The following SLC37A3 variants were observed in gnomAD, a reference collection of about 807,000 sequenced individuals.
The protein encoded by SLC37A3 is sugar phosphate exchanger 3.
SLC37A3 carries 51 observed loss-of-function variants against 67.1 expected under a neutral mutation model. That is an observed-to-expected ratio of 0.76 (90% CI 0.61 to 0.96). The LOEUF (loss-of-function observed/expected upper bound fraction) is 0.96. Ranked by LOEUF, SLC37A3 falls within the 40% of genes least tolerant of loss-of-function variation. The probability of loss-of-function intolerance (pLI) is 0.00; values close to 1 mark genes in which losing one functional copy is unlikely to be tolerated. For missense variants in SLC37A3, 508 were observed against 603.0 expected, an observed-to-expected ratio of 0.84 and a Z score of 1.65; for synonymous variants, 214 against 231.4, an observed-to-expected ratio of 0.92 and a Z score of 0.68.
At chr7:140,397,726 C>A (rs1798994674) in intron 1 of SLC37A3, among the ~76,000 whole-genome samples, 1 of 152,054 alleles carries the variant, frequency 6.6e-6, no homozygotes, top group Non-Finnish European at 1.5e-5. Context: ...ATTTTGCTCA[C>A]CCCAGGAACC....
At chr7:140,378,293 G>C (rs1798110521) in intron 3 of SLC37A3, among the ~76,000 whole-genome samples, 1 of 152,150 alleles carries the variant, frequency 6.6e-6, no homozygotes, top group Admixed American at 6.5e-5. Flanking sequence ...GAATAAAAAT[G>C]TAAGCATCCA....
At chr7:140,335,980 T>TG (rs1448237564) in intron 14 of SLC37A3, among the ~76,000 whole-genome samples, 1 of 152,204 alleles carries the variant, frequency 6.6e-6, no homozygotes, top group Non-Finnish European at 1.5e-5. Context: ...TGGACTATCC[T>TG]GGGGCTCCTT....
Position 140,363,740 on chromosome 7 carries a change from CAAAAAAAAA to C in SLC37A3, c.375+659_375+667del, listed in dbSNP as rs71170980. On this transcript the variant is annotated intron_variant, in intron 5 of 14. Transcript: ENST00000326232. ...AAAAAAAAAGAGCAAAACTCCGCCTCAAAAAAAAAAAAAAAAAAAAAAAAAGAAAGGAGC... is the reference window on the plus strand; with the variant it reads ...AAAAAAAAAGAGCAAAACTCCGCCTCAAAAAAAAAAAAAAAAGAAAGGAGC... 1.4e-4 allele frequency among the ~76,000 whole-genome samples: 15 copies of C among 107,860 alleles called. No individual in the cohort carries two copies. In the South Asian group the frequency reaches 2.0e-3, roughly 15 times the overall value. The allele number at this position is 107,860 out of a possible 152,430, so 70.8% of individuals were successfully genotyped here.
At chr7:140,338,679 C>G (rs1049930411) in intron 13 of SLC37A3, among the ~76,000 whole-genome samples, 9 of 152,002 alleles carry the variant, frequency 5.9e-5, no homozygotes, top group African/African-American at 2.2e-4. Flanking sequence ...ACCACATTGC[C>G]CAGGCTGGTC....
intron 1 of SLC37A3, among the ~76,000 whole-genome samples, chr7:140,394,462 A>G (rs962917776): frequency 4.6e-5 from 7 of 151,774 alleles, no homozygotes; most frequent in African/African-American, 1.7e-4. Flanking sequence ...TCTCTACAAA[A>G]AATACAAAAA....
chr7:140,352,010 T>G, intron 8 of SLC37A3, 52 bp downstream of exon 8: 1 of 1,531,900 alleles, frequency 6.5e-7, no homozygotes, highest in Non-Finnish European at 8.9e-7. Flanking sequence ...TCAGATTTCC[T>G]TTCGGCCATA....
At chr7:140,341,236 T>A (rs1158022353) in intron 13 of SLC37A3, among the ~76,000 whole-genome samples, 1 of 152,166 alleles carries the variant, frequency 6.6e-6, no homozygotes, top group African/African-American at 2.4e-5. Context: ...CCTAGCCTCA[T>A]GTACAAGTTT....
intron 5 of SLC37A3, among the ~76,000 whole-genome samples, chr7:140,359,460 C>A (rs1439370178): frequency 6.6e-6 from 1 of 152,190 alleles, no homozygotes; most frequent in Admixed American, 6.5e-5. Context: ...ACAGAACGAG[C>A]CCAGGGAGGC....
intron 5 of SLC37A3, 66 bp downstream of exon 5, chr7:140,364,342 G>T: frequency 1.4e-6 from 2 of 1,393,184 alleles, no homozygotes; most frequent in Non-Finnish European, 1.0e-6. Flanking sequence ...CTACAGAGAA[G>T]TAGGGAGATT....
At position 140,348,710 on chromosome 7, in the gene SLC37A3, G is replaced by C. The variant is rs201703081; in HGVS notation, c.940C>G (p.Pro314Ala). The C allele has an allele frequency of 1.2e-5, 20 of 1,613,980 alleles. No individual in the cohort carries two copies. Among genetic ancestry groups the C allele is most frequent in the South Asian group, 9.9e-5 (9 of 91,092 alleles). The part of the protein sequence containing the change: ...LVNYSFFFWL[P>A]FYLSNNFGWK... ...CCGAAGTTGTTACTCAGATAAAAGG[G>C]GAGCCAGAAGAAGAAGGAGTAATTC... Residue 314 changes from proline (P) to alanine (A), a missense_variant, in exon 10 of 15, where the codon CCC becomes GCC. Pro to Ala is a conservative substitution (Grantham distance 27). Transcript: ENST00000326232.
At chr7:140,381,282 G>A (rs1199713246) in intron 2 of SLC37A3, among the ~76,000 whole-genome samples, 1 of 151,256 alleles carries the variant, frequency 6.6e-6, no homozygotes, top group East Asian at 2.0e-4. Flanking sequence ...GGGAGGCTGA[G>A]GTGGGAGGAT....
intron 3 of SLC37A3, among the ~76,000 whole-genome samples, chr7:140,372,142 G>A (rs1400677515): frequency 1.3e-5 from 2 of 152,274 alleles, no homozygotes; most frequent in African/African-American, 2.4e-5. Flanking sequence ...GAGCCACTGC[G>A]CCCAGCCTAG....
chr7:140,387,672 T>A (rs1237699438), intron 1 of SLC37A3, among the ~76,000 whole-genome samples: 1 of 107,732 alleles, frequency 9.3e-6, no homozygotes, highest in Non-Finnish European at 1.8e-5. Context: ...ATAAATATAT[T>A]ATATATAAAT....
At chr7:140,396,894 G>GTTT (rs55939918) in intron 1 of SLC37A3, among the ~76,000 whole-genome samples, 5 of 104,290 alleles carry the variant, frequency 4.8e-5, no homozygotes, top group African/African-American at 1.6e-4. Flanking sequence ...TTTTTTTTTT[G>GTTT]TTTTTTTTTT....
chr7:140,370,149 GT>G (rs34474661), intron 3 of SLC37A3, among the ~76,000 whole-genome samples: 83 of 149,200 alleles, frequency 5.6e-4, no homozygotes, highest in African/African-American at 1.4e-3. Context: ...GAAATAACTA[GT>G]TTTTTTTTTT....
chr7:140,360,399 AC>A (rs1797217909), intron 5 of SLC37A3, among the ~76,000 whole-genome samples: 1 of 152,166 alleles, frequency 6.6e-6, no homozygotes, highest in Admixed American at 6.6e-5. Flanking sequence ...CATTTAATCA[AC>A]AAAAATTCCT....
intron 4 of SLC37A3, among the ~76,000 whole-genome samples, chr7:140,367,830 T>C (rs916539879): frequency 6.6e-5 from 10 of 151,618 alleles, no homozygotes; most frequent in South Asian, 4.2e-4. Context: ...CTTTTTTTTT[T>C]TTTTTTTGAG....
intron 2 of SLC37A3, among the ~76,000 whole-genome samples, chr7:140,380,898 T>TA (rs1554433000): frequency 1.6e-4 from 2 of 12,386 alleles, no homozygotes; most frequent in Non-Finnish European, 3.3e-4. Context: ...CTTCTTCTTC[T>TA]TTTTTTTTTT....
In SLC37A3 at chr7:140,351,373, T is replaced by A; in HGVS notation, c.782A>T (p.Asp261Val). The change falls in exon 9 of 15, where the codon GAC becomes GTC. Residue 261 changes from aspartate to valine, a missense_variant. Asp to Val is a radical substitution (Grantham distance 152, BLOSUM62 -3). Transcript: ENST00000326232. Reference sequence around the variant, plus strand: ...GATTGAATAATTCGGCTCATATTCGTCTTCATTTTCACCACCATTAATTAA... The same window carrying A: ...GATTGAATAATTCGGCTCATATTCGACTTCATTTTCACCACCATTAATTAA... ...RPLINGGENE[D>V]EYEPNYSIQD... The A allele has an allele frequency of 6.2e-7, 1 of 1,614,146 alleles. No homozygotes were observed. The highest frequency in any genetic ancestry group is 8.5e-7 in the Non-Finnish European group (1 of 1,180,022).
Sources: allele counts gnomAD v4.1 joint callset (sites outside exome capture counted in the v4.1 genomes callset), GRCh38; gene constraint gnomAD v4.1.1; transcripts MANE v1.5; gene names NCBI Gene and HGNC (gene_info 2026-07-23, HGNC 2026-07-21).